The following CPE variants were observed in gnomAD, a reference collection of about 807,000 sequenced individuals.
CPE encodes carboxypeptidase E.
CPE carries 17 observed loss-of-function variants against 53.5 expected under a neutral mutation model. The observed-to-expected ratio is 0.32, with a 90% confidence interval of 0.22 to 0.48. The LOEUF is 0.48. Ranked by LOEUF, CPE falls within the 20% of genes least tolerant of loss-of-function variation. The probability of loss-of-function intolerance (pLI) is 0.99; values close to 1 mark genes in which losing one functional copy is unlikely to be tolerated. For synonymous variants in CPE, 226 were observed against 228.8 expected (o/e 0.99, Z 0.11); for missense variants, 524 against 614.7 (o/e 0.85, Z 1.56).
intron 1 of CPE, among the ~76,000 whole-genome samples, chr4:165,442,548 G>T (rs1004351891): frequency 6.6e-5 from 10 of 151,858 alleles, no homozygotes; most frequent in African/African-American, 1.9e-4. Context: ...AAACATCAGA[G>T]GTTGATCTGT....
chr4:165,411,971 G>T (rs1482166784), intron 1 of CPE, among the ~76,000 whole-genome samples: 5 of 152,226 alleles, frequency 3.3e-5, no homozygotes, highest in Admixed American at 1.3e-4. Flanking sequence ...TTCCTTCCAC[G>T]AAAGAACCAT....
intron 6 of CPE, among the ~76,000 whole-genome samples, chr4:165,489,082 A>G (rs1392917206): frequency 6.6e-6 from 1 of 152,204 alleles, no homozygotes; most frequent in Non-Finnish European, 1.5e-5. Context: ...TAAGCAGTCC[A>G]CGATGACTCT....
At chr4:165,450,643 G>A (rs989171048) in intron 1 of CPE, among the ~76,000 whole-genome samples, 5 of 152,080 alleles carry the variant, frequency 3.3e-5, no homozygotes, top group Non-Finnish European at 5.9e-5. Context: ...CAAGCAATAC[G>A]CTTTCCTGTC....
chr4:165,385,814 A>G (rs1730582744), intron 1 of CPE, among the ~76,000 whole-genome samples: 2 of 152,130 alleles, frequency 1.3e-5, no homozygotes. Context: ...CAATATCAAC[A>G]TTTTCATTGG....
intron 1 of CPE, among the ~76,000 whole-genome samples, chr4:165,456,544 TTCTC>T (rs1332935162): frequency 6.9e-6 from 1 of 145,420 alleles, no homozygotes; most frequent in Admixed American, 6.7e-5. Flanking sequence ...CTTTCTTTGT[TTCTC>T]TCTCTCTTTC....
At chr4:165,397,365 T>C (rs1303407913) in intron 1 of CPE, among the ~76,000 whole-genome samples, 2 of 152,238 alleles carry the variant, frequency 1.3e-5, no homozygotes, top group Non-Finnish European at 1.5e-5. Flanking sequence ...GATTAAATGA[T>C]TTATTTAACA....
At chr4:165,415,039 T>C (rs1199417356) in intron 1 of CPE, 3 of 160,170 alleles carry the variant, frequency 1.9e-5, no homozygotes, top group African/African-American at 7.2e-5. Context: ...GGCATTGGTT[T>C]TGAATCTTTA....
At chr4:165,419,831 A>G (rs1731178473) in intron 1 of CPE, among the ~76,000 whole-genome samples, 3 of 152,232 alleles carry the variant, frequency 2.0e-5, no homozygotes, top group Admixed American at 2.0e-4. Flanking sequence ...TCAAAAATCA[A>G]TCAACCAACC....
chr4:165,395,484 AGT>A (rs1260748188), intron 1 of CPE, among the ~76,000 whole-genome samples: 1 of 152,202 alleles, frequency 6.6e-6, no homozygotes, highest in African/African-American at 2.4e-5. Context: ...TTGATTCGGC[AGT>A]TTTATTAGCA....
intron 1 of CPE, among the ~76,000 whole-genome samples, chr4:165,402,673 G>T (rs771482985): frequency 6.6e-6 from 1 of 152,110 alleles, no homozygotes; most frequent in Admixed American, 6.5e-5. Context: ...CCGTGTAGAC[G>T]CAAGCACCAT....
chr4:165,438,816 T>C (rs1271108213), intron 1 of CPE, among the ~76,000 whole-genome samples: 1 of 152,176 alleles, frequency 6.6e-6, no homozygotes, highest in Non-Finnish European at 1.5e-5. Flanking sequence ...TTCTTGGCAC[T>C]CATGGACTGT....
In CPE at chr4:165,379,228, G is replaced by A. The variant is rs1361275592; in HGVS notation, c.7G>A (p.Gly3Arg). Residue 3 changes from glycine (G) to arginine (R), a missense_variant, in exon 1 of 9, where the codon GGG becomes AGG. Coordinates refer to ENST00000402744, the MANE Select transcript of CPE (RefSeq NM_001873.4). The surrounding 1 kb of genome is among the most constrained non-coding windows in gnomAD (Gnocchi z 6.0). Reference sequence around the variant, plus strand: ...GCGGCGGCGGAGCGCAGCGATGGCCGGGCGAGGGGGCAGCGCGCTGCTGGC... The same window carrying A: ...GCGGCGGCGGAGCGCAGCGATGGCCAGGCGAGGGGGCAGCGCGCTGCTGGC... Reference protein sequence around the residue: MAGRGGSALLALC... With the variant: MARRGGSALLALC... 2 of 1,232,118 alleles carry A rather than the reference G, an allele frequency of 1.6e-6. No homozygotes were observed. Among genetic ancestry groups the A allele is most frequent in the African/African-American group, 1.6e-5 (1 of 63,926 alleles). The allele number at this position is 1,232,118 out of a possible 1,614,324, so 76.3% of individuals were successfully genotyped here.
chr4:165,442,577 C>CAAAAT (rs2126686452), intron 1 of CPE, among the ~76,000 whole-genome samples: 1 of 152,112 alleles, frequency 6.6e-6, no homozygotes, highest in African/African-American at 2.4e-5. Context: ...ATATGCTACC[C>CAAAAT]ACATATAGCT....
intron 1 of CPE, among the ~76,000 whole-genome samples, chr4:165,422,165 T>C (rs1731234603): frequency 6.6e-6 from 1 of 152,094 alleles, no homozygotes; most frequent in African/African-American, 2.4e-5. Context: ...GGCACAGTTA[T>C]TAAAATTCTC....
At chr4:165,390,433 G>T (rs372268909) in intron 1 of CPE, among the ~76,000 whole-genome samples, 1 of 152,118 alleles carries the variant, frequency 6.6e-6, no homozygotes, top group Non-Finnish European at 1.5e-5. Flanking sequence ...AATTTTTGCC[G>T]CCATTTCTTG....
chr4:165,453,058 C>G (rs1044600827), intron 1 of CPE, among the ~76,000 whole-genome samples: 28 of 151,890 alleles, frequency 1.8e-4, no homozygotes, highest in Non-Finnish European at 4.1e-4. Context: ...CTCACAGGTT[C>G]AAGTGATTCT....
chr4:165,402,038 T>G, intron 1 of CPE, among the ~76,000 whole-genome samples: 1 of 152,244 alleles, frequency 6.6e-6, no homozygotes, highest in East Asian at 1.9e-4. Flanking sequence ...CAGATTATTT[T>G]ATTTTTTATA....
At chr4:165,391,640 C>T (rs980474977) in intron 1 of CPE, among the ~76,000 whole-genome samples, 6 of 152,202 alleles carry the variant, frequency 3.9e-5, no homozygotes, top group East Asian at 1.9e-4. Flanking sequence ...GGGCTGTAAA[C>T]GAAATACTGC....
intron 2 of CPE, among the ~76,000 whole-genome samples, chr4:165,464,968 C>T (rs1274567720): frequency 6.6e-6 from 1 of 152,132 alleles, no homozygotes; most frequent in Non-Finnish European, 1.5e-5. Flanking sequence ...TGTGGATGAG[C>T]CAGTGTCACA....
Sources: allele counts gnomAD v4.1 joint callset (sites outside exome capture counted in the v4.1 genomes callset), GRCh38; gene constraint gnomAD v4.1.1; non-coding constraint Gnocchi (gnomAD v3.1); transcripts MANE v1.5; gene names NCBI Gene and HGNC (gene_info 2026-07-23, HGNC 2026-07-21).